The following PCDH19 variants were observed in gnomAD, a reference collection of about 807,000 sequenced individuals.
PCDH19 encodes protocadherin-19.
PCDH19 carries 6 observed loss-of-function variants against 46.2 expected under a neutral mutation model. The observed-to-expected ratio is 0.13, with a 90% CI of 0.07 to 0.26. The LOEUF (loss-of-function observed/expected upper bound fraction) is 0.26, where lower values mean the gene tolerates loss of function less well. Among genes scored for constraint, PCDH19 ranks in the 10% least tolerant of loss-of-function variants. The pLI is 1.00. For synonymous variants in PCDH19, 481 were observed against 415.7 expected, an observed-to-expected ratio of 1.16 and a Z score of -1.91; for missense variants, 740 against 972.3, an observed-to-expected ratio of 0.76 and a Z score of 3.18.
intron 5 of PCDH19, among the ~76,000 whole-genome samples, chrX:100,319,965 T>C (rs140698170): frequency 8.9e-6 from 1 of 111,839 alleles, no homozygotes; most frequent in Non-Finnish European, 1.9e-5. Context: ...AAGAGGACCA[T>C]TTCCACGAAA....
chrX:100,363,931 TAAAG>T (rs1443769689), intron 3 of PCDH19, among the ~76,000 whole-genome samples: 1 of 103,468 alleles, frequency 9.7e-6, no homozygotes, highest in Non-Finnish European at 2.0e-5. Flanking sequence ...AAACTCAGCT[TAAAG>T]AGAGTTGAAA....
intron 4 of PCDH19, among the ~76,000 whole-genome samples, chrX:100,344,343 G>A (rs987423366): frequency 1.8e-5 from 2 of 111,822 alleles, no homozygotes; most frequent in Non-Finnish European, 3.8e-5. Context: ...GGAAACACAT[G>A]ATTTAAAGTG....
intron 5 of PCDH19, among the ~76,000 whole-genome samples, chrX:100,302,548 A>G (rs1480297400): frequency 3.6e-5 from 4 of 112,376 alleles, no homozygotes; most frequent in Non-Finnish European, 7.5e-5. Context: ...CAGGTTCTGC[A>G]TCTGCCACAA....
At chrX:100,300,592 G>A (rs1384886976) in intron 5 of PCDH19, among the ~76,000 whole-genome samples, 4 of 111,877 alleles carry the variant, frequency 3.6e-5, no homozygotes, top group Non-Finnish European at 5.6e-5. Context: ...GGAAATTCAC[G>A]TATAGATGAA....
At chrX:100,352,401 G>A (rs1926597174) in intron 3 of PCDH19, among the ~76,000 whole-genome samples, 4 of 112,533 alleles carry the variant, frequency 3.6e-5, no homozygotes, top group African/African-American at 1.3e-4. Flanking sequence ...GGTTAAATGT[G>A]TTCATCTACG....
chrX:100,326,386 G>A (rs1925696012), intron 5 of PCDH19, among the ~76,000 whole-genome samples: 1 of 112,082 alleles, frequency 8.9e-6, no homozygotes, highest in African/African-American at 3.2e-5. Context: ...TTGCAGTGTG[G>A]CTTTTTTAGA....
chrX:100,372,867 A>G (rs917480007), intron 3 of PCDH19, among the ~76,000 whole-genome samples: 2 of 112,271 alleles, frequency 1.8e-5, no homozygotes, highest in Non-Finnish European at 3.8e-5. Flanking sequence ...TTTACCTGTA[A>G]AGCTAGGATA....
At chrX:100,388,126 T>G (rs937478780) in intron 3 of PCDH19, among the ~76,000 whole-genome samples, 1 of 111,126 alleles carries the variant, frequency 9.0e-6, no homozygotes, top group Non-Finnish European at 1.9e-5. Flanking sequence ...TCCTACAACC[T>G]GAGATAACTG....
At position 100,399,158 on chromosome X, in the gene PCDH19, G is replaced by C. The variant is rs1244166390; in HGVS notation, c.2616+3366C>G. 2.7e-5 allele frequency among the ~76,000 whole-genome samples: 3 copies of C among 111,572 alleles called. No homozygotes were observed. The East Asian group carries it at 8.4e-4, about 31-fold the overall frequency. On this transcript the variant is annotated intron_variant, in intron 3 of 5. Transcript: ENST00000373034. Reference sequence around the variant, plus strand: ...GAATGGTTTAATGAAATAATATAAAGAACAATGTAAGTAACATAATATAGA... The same window carrying C: ...GAATGGTTTAATGAAATAATATAAACAACAATGTAAGTAACATAATATAGA...
In PCDH19 at chrX:100,303,027, G is replaced by A. The variant is rs142731950; in HGVS notation, c.2849-6152C>T. Among the ~76,000 whole-genome samples, 918 of 111,387 alleles carry A rather than the reference G, an allele frequency of 8.2e-3. 4 individuals carry two copies. Among genetic ancestry groups the A allele is most frequent in the South Asian group, 0.021 (55 of 2,604 alleles). ...TAAACTATGTAGCTTTGTCAGAGGC[G>A]TAAAGTAAATTTAGAACTTGAGAAA... is the stretch of plus-strand genomic sequence containing the variant. On this transcript the variant is annotated intron_variant, in intron 5 of 5. Coordinates refer to ENST00000373034, the MANE Select transcript of PCDH19 (RefSeq NM_001184880.2).
At chrX:100,333,626 T>G (rs1418061468) in intron 5 of PCDH19, among the ~76,000 whole-genome samples, 1 of 111,955 alleles carries the variant, frequency 8.9e-6, no homozygotes, top group Non-Finnish European at 1.9e-5. Context: ...ATATCCTGCA[T>G]CCTCTAATGC....
chrX:100,350,531 T>C, intron 4 of PCDH19, 115 bp downstream of exon 4: 1 of 547,472 alleles, frequency 1.8e-6, no homozygotes, highest in African/African-American at 2.3e-5. Flanking sequence ...AAATAGTAGG[T>C]TGGACATTCA....
At chrX:100,335,876 G>A (rs752567138) in intron 5 of PCDH19, among the ~76,000 whole-genome samples, 9 of 111,564 alleles carry the variant, frequency 8.1e-5, no homozygotes, top group Non-Finnish European at 1.5e-4. Context: ...ATATAGAAAC[G>A]CTGTATACAC....
rs1278498751 is a variant in PCDH19 at position 100,293,382 on chromosome X, G to A, written c.*2895C>T. 4.5e-5 allele frequency: 5 copies of A among 110,733 alleles called. No individual in the cohort carries two copies. The highest frequency in any genetic ancestry group is 3.8e-4 in the South Asian group (1 of 2,602). The allele number at this position is 110,733 out of a possible 1,213,427, so 9.1% of individuals were successfully genotyped here. A position where few individuals can be genotyped will look rare whatever the true frequency, so the allele number is the denominator to read the frequency against. On this transcript the variant is annotated 3_prime_UTR_variant, in exon 6 of 6. Transcript: ENST00000373034. ...GAATAAATGGAATAGAACTCCCTAG[G>A]ACTTAGGAACCGAAATCACTCCCTT...
chrX:100,390,257 A>G (rs1460315110), intron 3 of PCDH19, among the ~76,000 whole-genome samples: 1 of 111,782 alleles, frequency 8.9e-6, no homozygotes, highest in Non-Finnish European at 1.9e-5. Context: ...TCAAGCCAAA[A>G]TATTTTTTTA....
chrX:100,344,495 C>CCTGTACCT (rs1926341005), intron 4 of PCDH19, among the ~76,000 whole-genome samples: 1 of 109,262 alleles, frequency 9.2e-6, no homozygotes, highest in Admixed American at 1.0e-4. Context: ...TACAAGCACC[C>CCTGTACCT]CTGTACCTCT....
intron 5 of PCDH19, among the ~76,000 whole-genome samples, chrX:100,340,637 C>G (rs1643612780): frequency 8.9e-6 from 1 of 111,748 alleles, no homozygotes. Context: ...TTAGGGAAGA[C>G]AGCAGTGCAC....
chrX:100,322,400 G>T (rs1925520534), intron 5 of PCDH19, among the ~76,000 whole-genome samples: 1 of 110,744 alleles, frequency 9.0e-6, no homozygotes. Context: ...TTTATTTCTG[G>T]GTTCTCTATT....
Position 100,408,360 on chromosome X carries a change from G to C in PCDH19, c.238C>G (p.Leu80Val), listed in dbSNP as rs770435361. ...HLVDINPSSG[L>V]LVTKQKIDRD... ...TCAATCTTCTGCTTGGTGACCAGCA[G>C]GCCAGAGCTGGGATTGATGTCCACT... The change falls in exon 1 of 6, where the codon CTG (leucine) becomes GTG (valine). Residue 80 changes from leucine to valine, a missense_variant. Transcript: ENST00000373034. 2 of 1,210,015 alleles carry C rather than the reference G, an allele frequency of 1.7e-6. No individual in the cohort carries two copies. The highest frequency in any genetic ancestry group is 2.2e-6 in the Non-Finnish European group (2 of 895,020).
Sources: allele counts gnomAD v4.1 joint callset (sites outside exome capture counted in the v4.1 genomes callset), GRCh38; gene constraint gnomAD v4.1.1; transcripts MANE v1.5; gene names NCBI Gene and HGNC (gene_info 2026-07-23, HGNC 2026-07-21).